TNFSF11: variants seen among roughly 807,000 people sequenced by gnomAD.
TNFSF11 encodes TNF superfamily member 11.
TNFSF11 carries 12 observed loss-of-function variants against 32.2 expected under a neutral mutation model. The ratio of observed to expected loss-of-function variants is 0.37; its 90% confidence interval spans 0.24 to 0.60. The LOEUF (loss-of-function observed/expected upper bound fraction) is 0.60, where lower values mean the gene tolerates loss of function less well. Ranked by LOEUF, TNFSF11 falls within the 20% of genes least tolerant of loss-of-function variation. TNFSF11 has a pLI of 0.66. For synonymous variants in TNFSF11, 172 were observed against 152.1 expected (o/e 1.13, Z -0.96); for missense variants, 345 against 398.0 (o/e 0.87, Z 1.13).
At chr13:42,574,595 C>A in intron 1 of TNFSF11, 73 bp downstream of exon 1, 1 of 1,539,822 alleles carries the variant, frequency 6.5e-7, no homozygotes, top group South Asian at 1.2e-5. Flanking sequence ...GAAACTGAGT[C>A]TGGCGGCAGG....
At chr13:42,564,354 G>A (rs913142322) in intron 1 of TNFSF11, among the ~76,000 whole-genome samples, 35 of 152,116 alleles carry the variant, frequency 2.3e-4, no homozygotes, top group Non-Finnish European at 5.0e-4. Context: ...GACCACCTGA[G>A]GTCAGGAGTT....
intron 2 of TNFSF11, among the ~76,000 whole-genome samples, chr13:42,599,372 C>T (rs143264208): frequency 2.8e-4 from 43 of 151,034 alleles, no homozygotes; most frequent in African/African-American, 4.1e-4. Flanking sequence ...ATCTATCTAT[C>T]TATCTATCTA....
intron 2 of TNFSF11, among the ~76,000 whole-genome samples, chr13:42,593,197 T>C (rs1038434): frequency 0.79 from 120,896 of 152,098 alleles, 48,269 homozygotes; most frequent in Middle Eastern, 0.88. Flanking sequence ...ACACCTGTCA[T>C]GCGGGAAATT....
At chr13:42,600,075 T>G (rs1566387769) in intron 2 of TNFSF11, among the ~76,000 whole-genome samples, 2 of 152,222 alleles carry the variant, frequency 1.3e-5, no homozygotes, top group African/African-American at 2.4e-5. Flanking sequence ...GGGCATGTGG[T>G]TACCTATTTC....
chr13:42,598,713 TACACTC>T (rs1234027166), intron 2 of TNFSF11, among the ~76,000 whole-genome samples: 2 of 152,202 alleles, frequency 1.3e-5, no homozygotes, highest in African/African-American at 4.8e-5. Flanking sequence ...ACCGCACAGT[TACACTC>T]ACATTTGCAG....
upstream of TNFSF11, among the ~76,000 whole-genome samples, chr13:42,569,696 G>T (rs150136032): frequency 6.6e-6 from 1 of 152,170 alleles, no homozygotes; most frequent in Non-Finnish European, 1.5e-5. Flanking sequence ...GAATTTAGGT[G>T]ACTTCTAGAA....
intron 2 of TNFSF11, among the ~76,000 whole-genome samples, chr13:42,595,362 G>A (rs1442793532): frequency 6.6e-6 from 1 of 152,194 alleles, no homozygotes; most frequent in Non-Finnish European, 1.5e-5. Flanking sequence ...ACTTGTTACA[G>A]CGTGACCATA....
chr13:42,579,388 G>A (rs1431290857), intron 1 of TNFSF11, among the ~76,000 whole-genome samples: 1 of 150,446 alleles, frequency 6.6e-6, no homozygotes, highest in Non-Finnish European at 1.5e-5. Context: ...CAGCCTGGGT[G>A]GGGGTGACAA....
intron 1 of TNFSF11, among the ~76,000 whole-genome samples, chr13:42,577,226 G>A (rs1419302287): frequency 6.6e-6 from 1 of 152,166 alleles, no homozygotes. Context: ...TCAAGGAAAA[G>A]CAGTTTGAGT....
intron 2 of TNFSF11, among the ~76,000 whole-genome samples, chr13:42,589,121 G>A (rs1874038561): frequency 6.6e-6 from 1 of 152,126 alleles, no homozygotes; most frequent in Non-Finnish European, 1.5e-5. Context: ...AAGTTTGAAA[G>A]CACTCAGAAC....
chr13:42,563,852 T>G (rs1872773021), intron 1 of TNFSF11, among the ~76,000 whole-genome samples: 1 of 152,192 alleles, frequency 6.6e-6, no homozygotes, highest in Non-Finnish European at 1.5e-5. Flanking sequence ...TCTGACATTT[T>G]GAGTCAATGA....
intron 2 of TNFSF11, 81 bp from the exon 3 acceptor site, chr13:42,600,671 C>T: frequency 7.1e-7 from 1 of 1,412,938 alleles, no homozygotes; most frequent in Non-Finnish European, 9.7e-7. Flanking sequence ...TAATTTGTTG[C>T]ATATGTAACA....
upstream of TNFSF11, among the ~76,000 whole-genome samples, chr13:42,573,267 C>G (rs2137850209): frequency 6.6e-6 from 1 of 151,948 alleles, no homozygotes; most frequent in Admixed American, 6.5e-5. Context: ...TGGAAACATC[C>G]TAAGTTTCAT....
At chr13:42,593,446 G>A (rs550981229) in intron 2 of TNFSF11, among the ~76,000 whole-genome samples, 1 of 152,106 alleles carries the variant, frequency 6.6e-6, no homozygotes, top group Non-Finnish European at 1.5e-5. Flanking sequence ...GACAGGAAGA[G>A]GAGGTAGGAA....
Position 42,574,410 on chromosome 13 carries a change from C to G in TNFSF11, c.107C>G (p.Pro36Arg), listed in dbSNP as rs138818878. 0.027 allele frequency: 42,999 copies of G among 1,570,004 alleles called. 744 individuals carry two copies. Among genetic ancestry groups the G allele is most frequent in the Non-Finnish European group, 0.032 (36,852 of 1,160,058 alleles). The part of the protein sequence containing the change: ...HEGPLHAPPP[P>R]APHQPPAASR... ...GGCCCCCTGCACGCCCCGCCGCCGC[C>G]TGCGCCGCACCAGCCCCCTGCCGCC... Residue 36 changes from proline to arginine, a missense_variant, in exon 1 of 5, where the codon CCT (proline) becomes CGT (arginine). By Grantham distance (103) the Pro-to-Arg change is moderately radical. Coordinates refer to ENST00000398795, the MANE Select transcript of TNFSF11 (RefSeq NM_003701.4).
rs78881324 is a variant in TNFSF11, at chr13:42,574,596, T to A, written c.219+74T>A. 7,362 of 1,536,556 alleles carry A rather than the reference T, an allele frequency of 4.8e-3. 302 individuals are homozygous for A. The African/African-American group carries it at 0.088, about 18-fold the overall frequency. ...TTCCCCCGCACTTGGAAACTGAGTC[T>A]GGCGGCAGGGCTGGGCCACCCAGAG... On this transcript the variant is annotated intron_variant, in intron 1 of 4. Coordinates refer to ENST00000398795, the MANE Select transcript of TNFSF11 (RefSeq NM_003701.4).
At chr13:42,564,997 A>G (rs1179200375) in intron 1 of TNFSF11, among the ~76,000 whole-genome samples, 1 of 152,242 alleles carries the variant, frequency 6.6e-6, no homozygotes, top group Non-Finnish European at 1.5e-5. Flanking sequence ...TGGAGAAAAT[A>G]GTTGGGCATT....
chr13:42,569,852 T>G (rs1872998958), upstream of TNFSF11, among the ~76,000 whole-genome samples: 1 of 152,194 alleles, frequency 6.6e-6, no homozygotes, highest in South Asian at 2.1e-4. Context: ...CAGGACTGAA[T>G]GTGACTCTAT....
intron 1 of TNFSF11, chr13:42,566,490 CAG>C (rs1309528891): frequency 6.6e-6 from 1 of 152,042 alleles, no homozygotes; most frequent in Non-Finnish European, 1.5e-5. Context: ...GGTAAAGAAA[CAG>C]AGGTGAATTT....
Sources: allele counts gnomAD v4.1 joint callset (sites outside exome capture counted in the v4.1 genomes callset), GRCh38; gene constraint gnomAD v4.1.1; transcripts MANE v1.5; gene names NCBI Gene and HGNC (gene_info 2026-07-23, HGNC 2026-07-21).